Variants in ROBO2 observed in about 807,000 individuals in gnomAD.
ROBO2 encodes roundabout homolog 2.
A neutral mutation model predicts 160.8 loss-of-function variants in ROBO2; 53 were observed. The ratio of observed to expected loss-of-function variants is 0.33; its 90% CI spans 0.26 to 0.41. The LOEUF is 0.41. Ranked by LOEUF, ROBO2 falls within the 10% of genes least tolerant of loss-of-function variation. ROBO2 has a pLI of 1.00. For missense variants in ROBO2, 1,577 were observed against 1,722.4 expected (o/e 0.92, Z 1.49); for synonymous variants, 664 against 611.7 (o/e 1.09, Z -1.26).
chr3:76,123,534 G>T (rs1192975932), intron 2 of ROBO2, among the ~76,000 whole-genome samples: 1 of 151,892 alleles, frequency 6.6e-6, no homozygotes, highest in Non-Finnish European at 1.5e-5. Flanking sequence ...ATAACAAACT[G>T]GTTAACTGGT....
chr3:76,138,732 G>A (rs1048104285), intron 2 of ROBO2, among the ~76,000 whole-genome samples: 1 of 152,100 alleles, frequency 6.6e-6, no homozygotes, highest in African/African-American at 2.4e-5. Context: ...GTGAAATCAT[G>A]TAAGAACTTT....
intron 2 of ROBO2, among the ~76,000 whole-genome samples, chr3:77,434,405 A>G (rs1480114699): frequency 1.3e-4 from 20 of 152,152 alleles, no homozygotes; most frequent in Admixed American, 1.3e-3. Context: ...ACCAGAATGG[A>G]ATCTCTAGAA....
chr3:76,232,955 G>A (rs746710553), intron 2 of ROBO2, among the ~76,000 whole-genome samples: 5 of 151,968 alleles, frequency 3.3e-5, no homozygotes, highest in African/African-American at 1.2e-4. Context: ...TGTTAATCTC[G>A]CACCGTCACT....
chr3:76,399,001 C>G (rs1162131667), intron 2 of ROBO2, among the ~76,000 whole-genome samples: 1 of 151,666 alleles, frequency 6.6e-6, no homozygotes, highest in Non-Finnish European at 1.5e-5. Flanking sequence ...TAATACTTGA[C>G]ATGGTTTTGA....
At chr3:76,194,366 A>ATG (rs1481233031) in intron 2 of ROBO2, among the ~76,000 whole-genome samples, 6 of 120,048 alleles carry the variant, frequency 5.0e-5, no homozygotes, top group Non-Finnish European at 8.6e-5. Context: ...ATATATATAT[A>ATG]TATATATATA....
chr3:76,020,940 T>C (rs2066557389), intron 2 of ROBO2, among the ~76,000 whole-genome samples: 1 of 151,990 alleles, frequency 6.6e-6, no homozygotes, highest in South Asian at 2.1e-4. Context: ...GGAGTACAAA[T>C]ACTAATAATT....
chr3:76,843,855 C>T (rs767275973), intron 2 of ROBO2, among the ~76,000 whole-genome samples: 1 of 151,880 alleles, frequency 6.6e-6, no homozygotes, highest in Non-Finnish European at 1.5e-5. Context: ...TCTCATGTCT[C>T]GTGAAAATAA....
At chr3:77,590,786 T>G (rs544423099) in intron 17 of ROBO2, among the ~76,000 whole-genome samples, 10 of 152,246 alleles carry the variant, frequency 6.6e-5, no homozygotes, top group Non-Finnish European at 1.3e-4. Flanking sequence ...CCAGAGAGAC[T>G]TTTCTTCTTT....
At chr3:77,203,615 A>G (rs535646506) in intron 2 of ROBO2, among the ~76,000 whole-genome samples, 1 of 152,346 alleles carries the variant, frequency 6.6e-6, no homozygotes, top group South Asian at 2.1e-4. Context: ...CCAAATGCCA[A>G]TTTATTATTC....
At chr3:76,059,638 G>C (rs898542348) in intron 2 of ROBO2, among the ~76,000 whole-genome samples, 5 of 152,124 alleles carry the variant, frequency 3.3e-5, no homozygotes, top group African/African-American at 1.2e-4. Context: ...TTGCTGGGCA[G>C]AAGCTCTTTA....
chr3:77,446,459 C>A (rs758781743), intron 2 of ROBO2, among the ~76,000 whole-genome samples: 2 of 152,084 alleles, frequency 1.3e-5, no homozygotes, highest in Non-Finnish European at 2.9e-5. Flanking sequence ...TCTCATTGCA[C>A]CCAAGTGCAG....
intron 2 of ROBO2, among the ~76,000 whole-genome samples, chr3:76,557,309 T>C (rs944473755): frequency 7.9e-5 from 12 of 152,048 alleles, no homozygotes; most frequent in Non-Finnish European, 4.4e-5. Flanking sequence ...AAGCTTTCAG[T>C]GTTTGACCTA....
chr3:76,061,343 T>C (rs1014848215), intron 2 of ROBO2, among the ~76,000 whole-genome samples: 4 of 152,218 alleles, frequency 2.6e-5, no homozygotes, highest in African/African-American at 9.6e-5. Context: ...GCTGAGTTGT[T>C]TGAGCTCTCT....
chr3:75,958,507 A>G (rs568354221), intron 2 of ROBO2, among the ~76,000 whole-genome samples: 2 of 151,850 alleles, frequency 1.3e-5, no homozygotes, highest in East Asian at 3.9e-4. Context: ...AAAAAATAAT[A>G]GGGAGTTAAA....
At chr3:77,629,987 G>A (rs981939112) in intron 23 of ROBO2, 15 of 152,180 alleles carry the variant, frequency 9.9e-5, no homozygotes, top group Non-Finnish European at 7.3e-5. Flanking sequence ...GAACTGATAT[G>A]CGAGTTTATG....
At chr3:77,528,939 A>G (rs910929037) in intron 6 of ROBO2, among the ~76,000 whole-genome samples, 50 of 151,692 alleles carry the variant, frequency 3.3e-4, no homozygotes, top group African/African-American at 1.2e-3. Flanking sequence ...AATTTTATGT[A>G]TCTTTTGAAT....
intron 2 of ROBO2, among the ~76,000 whole-genome samples, chr3:77,123,955 G>A (rs993112912): frequency 6.7e-6 from 1 of 148,674 alleles, no homozygotes; most frequent in Non-Finnish European, 1.5e-5. Context: ...TATATAGATA[G>A]ATATGTAGAT....
intron 2 of ROBO2, among the ~76,000 whole-genome samples, chr3:76,477,209 A>G (rs1384793398): frequency 6.6e-6 from 1 of 152,154 alleles, no homozygotes; most frequent in African/African-American, 2.4e-5. Flanking sequence ...ACTATGAACC[A>G]ACACCTCTAT....
chr3:76,837,856 C>T (rs2067851670), intron 2 of ROBO2, among the ~76,000 whole-genome samples: 1 of 151,936 alleles, frequency 6.6e-6, no homozygotes, highest in Admixed American at 6.6e-5. Flanking sequence ...AATAATACCT[C>T]TAATGGCATT....
Sources: allele counts gnomAD v4.1 joint callset (sites outside exome capture counted in the v4.1 genomes callset), GRCh38; gene constraint gnomAD v4.1.1; transcripts MANE v1.5; gene names NCBI Gene and HGNC (gene_info 2026-07-23, HGNC 2026-07-21).